The following MAMDC4 variants were observed in gnomAD, a reference collection of about 807,000 sequenced individuals.
MAMDC4 encodes the protein MAM domain containing 4.
Under a neutral mutation model 153.3 loss-of-function variants are expected in MAMDC4, and 168 were observed. The observed-to-expected ratio is 1.10, with a 90% CI of 0.97 to 1.25. The LOEUF is 1.25. MAMDC4 is among the 50% of genes most tolerant of loss of function. The pLI is 0.00. For synonymous variants in MAMDC4, 744 were observed against 651.5 expected, an observed-to-expected ratio of 1.14 and a Z score of -2.16; for missense variants, 1,701 against 1,542.8, an observed-to-expected ratio of 1.10 and a Z score of -1.72.
chr9:136,857,379 G>T lies in MAMDC4; in HGVS notation c.2119G>T (p.Gly707Cys). The T allele has an allele frequency of 6.2e-7, 1 of 1,608,270 alleles. No homozygotes were observed. ...CCTCCACCCCCAGCTGCTGTTCGAGGGCCTCCGGGACGGATACCACGGCAC... is the reference window on the plus strand; with the variant it reads ...CCTCCACCCCCAGCTGCTGTTCGAGTGCCTCCGGGACGGATACCACGGCAC... ...SHAQYQLLFE[G>C]LRDGYHGTMA... is the part of the protein sequence containing the mutation. Residue 707 changes from glycine (G) to cysteine (C), a missense_variant, in exon 18 of 27, where the codon GGC becomes TGC. Coordinates refer to ENST00000317446, the MANE Select transcript of MAMDC4 (RefSeq NM_206920.3).
At position 136,854,677 on chromosome 9, in the gene MAMDC4, G is replaced by A. The variant is rs1564385754; in HGVS notation, c.934+1G>A. ...GACCACAGCCGGAACAGTGCACAGG[G>A]TGAGGCCCACAGAGGACCCGGCCCA... On this transcript the variant is annotated splice_donor_variant, in intron 8 of 26. Coordinates refer to ENST00000317446, the MANE Select transcript of MAMDC4 (RefSeq NM_206920.3). LOFTEE classifies it high-confidence loss of function. The A allele has an allele frequency of 6.2e-7, 1 of 1,611,050 alleles. No individual in the cohort carries two copies. The highest frequency in any genetic ancestry group is 1.1e-5 in the South Asian group (1 of 90,922).
intron 14 of MAMDC4, 143 bp downstream of exon 14, chr9:136,856,292 C>T (rs779295130): frequency 8.9e-6 from 12 of 1,341,906 alleles, no homozygotes; most frequent in South Asian, 1.2e-5. Context: ...CAACGGCTCC[C>T]GGGAGCTGGC....
In MAMDC4 at chr9:136,853,222, C is replaced by T. The variant is rs766732225; in HGVS notation, c.154+13C>T. ...GAGGCCCAGTGTGGTGAGCCAAGAC[C>T]AGATGGGCGGGCAGGGCCAGTGCGA... On this transcript the variant is annotated intron_variant, in intron 2 of 26. Coordinates refer to ENST00000317446, the MANE Select transcript of MAMDC4 (RefSeq NM_206920.3). 7.4e-6 allele frequency: 12 copies of T among 1,612,554 alleles called. No homozygotes were observed. Among genetic ancestry groups the T allele is most frequent in the African/African-American group, 1.3e-5 (1 of 74,944 alleles).
In MAMDC4 at chr9:136,855,122, C is replaced by T. The variant is rs1378540877; in HGVS notation, c.1197+12C>T. The T allele has an allele frequency of 1.3e-6, 2 of 1,567,466 alleles. No homozygotes were observed. The highest frequency in any genetic ancestry group is 1.7e-6 in the Non-Finnish European group (2 of 1,156,656). On this transcript the variant is annotated intron_variant, in intron 10 of 26. Transcript: ENST00000317446. Reference sequence around the variant, plus strand: ...CCTACCCCTTCCAGGTAGGGAACAGCAAGAGGGTGGGGTCTGGGGAGCCGC... The same window carrying T: ...CCTACCCCTTCCAGGTAGGGAACAGTAAGAGGGTGGGGTCTGGGGAGCCGC...
rs766810359 is a variant in MAMDC4 at position 136,858,110 on chromosome 9, T to TGGGGTGCCCCTCC, written c.2583+14_2583+26dup. ...GCGAGCCTGGAGGGTGAGTGCAGGGTGGGGTGCCCCTCCCCCTCCCCCTCC... is the reference window on the plus strand; with the variant it reads ...GCGAGCCTGGAGGGTGAGTGCAGGGTGGGGTGCCCCTCCGGGGTGCCCCTCCCCCTCCCCCTCC... On this transcript the variant is annotated intron_variant, in intron 20 of 26. Transcript: ENST00000317446. 12 of 1,530,576 alleles carry TGGGGTGCCCCTCC rather than the reference T, an allele frequency of 7.8e-6. No individual in the cohort carries two copies. The African/African-American group carries it at 1.5e-4, about 19-fold the overall frequency. The allele number at this position is 1,530,576 out of a possible 1,614,324, so 94.8% of individuals were successfully genotyped here.
chr9:136,857,085 C>T (rs368278787), intron 16 of MAMDC4, 44 bp downstream of exon 16: 104 of 1,602,836 alleles, frequency 6.5e-5, no homozygotes, highest in Non-Finnish European at 8.7e-5. Context: ...GGGAGGCCCC[C>T]GGGGGTTCAG....
At chr9:136,859,809 A>C (rs1462016466) in intron 25 of MAMDC4, 77 bp from the exon 26 acceptor site, 2 of 1,502,554 alleles carry the variant, frequency 1.3e-6, no homozygotes, top group Non-Finnish European at 1.8e-6. Flanking sequence ...CTGAGGGACC[A>C]TGCAGCCCCA....
intron 1 of MAMDC4, among the ~76,000 whole-genome samples, 169 bp from the exon 2 acceptor site, chr9:136,852,933 G>A (rs1205361179): frequency 6.6e-6 from 1 of 152,228 alleles, no homozygotes; most frequent in Admixed American, 6.5e-5. Context: ...GCTTGGTCCT[G>A]AGCCGGGTGG....
rs374062342 is a variant in MAMDC4, at chr9:136,858,116, GCCCCTC to G, written c.2583+36_2583+41del. 2,822 of 1,529,114 alleles carry G rather than the reference GCCCCTC, an allele frequency of 1.8e-3. 14 individuals carry two copies. The highest frequency in any genetic ancestry group is 0.013 in the African/African-American group (979 of 72,580). 94.7% of individuals were successfully genotyped at this position (1,529,114 alleles called of 1,614,324 possible). A position where few individuals can be genotyped will look rare whatever the true frequency, so the allele number is the denominator to read the frequency against. ...CTGGAGGGTGAGTGCAGGGTGGGGT[GCCCCTC>G]CCCCTCCCCCTCCCCCGAGGGCTGC... On this transcript the variant is annotated intron_variant, in intron 20 of 26. Transcript: ENST00000317446.
rs147821303 is a variant in MAMDC4 at position 136,853,119 on chromosome 9, G to T, written c.64G>T (p.Ala22Ser). 200 of 1,612,616 alleles carry T rather than the reference G, an allele frequency of 1.2e-4. No homozygotes were observed. The African/African-American group carries it at 2.3e-3, about 18-fold the overall frequency. Residue 22 changes from alanine (A) to serine (S), a missense_variant, in exon 2 of 27, where the codon GCC becomes TCC. Ala to Ser is a moderately conservative substitution (Grantham distance 99). Transcript: ENST00000317446. ...CCCAGCAGCAGGGTCCTCAGGCTGG[G>T]CCTGGGTCCCCAACCACTGCAGGAG... Reference protein sequence around the residue: ...VLFLAGSSGWAWVPNHCRSPG... With the variant: ...VLFLAGSSGWSWVPNHCRSPG...
chr9:136,855,235 T>C lies in MAMDC4; in HGVS notation c.1198-19T>C, dbSNP rs770635747. On this transcript the variant is annotated intron_variant, in intron 10 of 26. Transcript: ENST00000317446. ...AGGGGGAAATAGGCTGGGCACCCCC[T>C]GAGCCCCTCTGCCCTCAGATCCTCC... The C allele has an allele frequency of 1.9e-6, 3 of 1,581,734 alleles. No individual in the cohort carries two copies. Among genetic ancestry groups the C allele is most frequent in the South Asian group, 2.3e-5 (2 of 86,086 alleles).
Position 136,855,008 on chromosome 9 carries a change from C to T in MAMDC4, c.1095C>T (p.Pro365=), listed in dbSNP as rs371405565. 2.1e-5 allele frequency: 34 copies of T among 1,599,732 alleles called. No homozygotes were observed. Among genetic ancestry groups the T allele is most frequent in the African/African-American group, 2.0e-4 (15 of 74,002 alleles). ...CLQLFLQTLG[P]GAPRAPVLLR... ...AGCTGTTCCTGCAGACTCTGGGGCC[C>T]GGCGCCCCCCGGGCCCCCGTCCTGC... Residue 365 remains proline (P), a synonymous_variant, in exon 10 of 27, where the codon CCC becomes CCT. Coordinates refer to ENST00000317446, the MANE Select transcript of MAMDC4 (RefSeq NM_206920.3).
In MAMDC4 at chr9:136,858,807, C is replaced by T. The variant is rs143691384; in HGVS notation, c.2910C>T (p.Ala970=). The T allele has an allele frequency of 2.4e-3, 3,900 of 1,610,670 alleles. 5 individuals are homozygous for T. Among genetic ancestry groups the T allele is most frequent in the Non-Finnish European group, 3.0e-3 (3,548 of 1,178,824 alleles). Residue 970 remains alanine (A), a synonymous_variant, in exon 23 of 27, where the codon GCC becomes GCT. Transcript: ENST00000317446. ...GCGAGCCTCTGCCGGCCACCCCAGCCTCCTGCCTCCGCTTCTGGTACCACA... is the reference window on the plus strand; with the variant it reads ...GCGAGCCTCTGCCGGCCACCCCAGCTTCCTGCCTCCGCTTCTGGTACCACA... ...LRSEPLPATP[A]SCLRFWYHMG... is the part of the protein sequence containing the mutation.
intron 14 of MAMDC4, 41 bp from the exon 15 acceptor site, chr9:136,856,669 G>A: frequency 6.3e-7 from 1 of 1,588,942 alleles, no homozygotes; most frequent in South Asian, 1.1e-5. Context: ...TCTGGAGGGG[G>A]AGGGGAGAAG....
At position 136,854,985 on chromosome 9, in the gene MAMDC4, C is replaced by A. The variant is rs746329257; in HGVS notation, c.1072C>A (p.Leu358Met). 3.7e-6 allele frequency: 6 copies of A among 1,605,358 alleles called. No individual in the cohort carries two copies. Among genetic ancestry groups the A allele is most frequent in the Non-Finnish European group, 5.1e-6 (6 of 1,177,146 alleles). ...TGGGTCTGAGGCTGGCTGCCTCCAG[C>A]TGTTCCTGCAGACTCTGGGGCCCGG... Reference protein sequence around the residue: ...LSGSEAGCLQLFLQTLGPGAP... With the variant: ...LSGSEAGCLQMFLQTLGPGAP... Residue 358 changes from leucine to methionine, a missense_variant, in exon 10 of 27, where the codon CTG (leucine) becomes ATG (methionine). By Grantham distance (15) the Leu-to-Met change is conservative. Transcript: ENST00000317446.
At chr9:136,859,812 C>CAGCCCCAGGCTTCCTCCTT in intron 25 of MAMDC4, 74 bp from the exon 26 acceptor site, 1 of 1,514,488 alleles carries the variant, frequency 6.6e-7, no homozygotes, top group Non-Finnish European at 9.0e-7. Flanking sequence ...AGGGACCATG[C>CAGCCCCAGGCTTCCTCCTT]AGCCCCAGGC....
At position 136,857,450 on chromosome 9, in the gene MAMDC4, C is replaced by T. The variant is rs769957750; in HGVS notation, c.2190C>T (p.Ala730=). 3 of 1,608,600 alleles carry T rather than the reference C, an allele frequency of 1.9e-6. No individual in the cohort carries two copies. Among genetic ancestry groups the T allele is most frequent in the South Asian group, 1.1e-5 (1 of 91,090 alleles). The change falls in exon 18 of 27, where the codon GCC becomes GCT. Residue 730 remains alanine, a synonymous_variant. Transcript: ENST00000317446. The part of the protein sequence containing the change: ...DVAVRPGPCW[A]PNYCSFEDSD... ...CCGTGCGGCCGGGCCCCTGCTGGGC[C>T]CCTAATTACTGCTCCTTTGAGGACT...
chr9:136,855,416 G>T lies in MAMDC4; in HGVS notation c.1283-15G>T. The T allele has an allele frequency of 6.2e-7, 1 of 1,607,022 alleles. No homozygotes were observed. The highest frequency in any genetic ancestry group is 8.5e-7 in the Non-Finnish European group (1 of 1,176,662). ...TCCCCATCCCTGCCTCCTGACACCA[G>T]TTCTGCCCCCACAGAGGTGTCCACC... On this transcript the variant is annotated splice_polypyrimidine_tract_variant and intron_variant, in intron 11 of 26. Coordinates refer to ENST00000317446, the MANE Select transcript of MAMDC4 (RefSeq NM_206920.3).
rs779001758 is a variant in MAMDC4, at chr9:136,856,127, T to C, written c.1698T>C (p.Tyr566=). The C allele has an allele frequency of 7.4e-6, 12 of 1,612,306 alleles. No individual in the cohort carries two copies. The highest frequency in any genetic ancestry group is 6.6e-5 in the South Asian group (6 of 91,076). ...CCAGCTGTGAACTCCACCTGGCTTATTATTTACAGAGCCAGCCCCGAGGTA... is the reference window on the plus strand; with the variant it reads ...CCAGCTGTGAACTCCACCTGGCTTACTATTTACAGAGCCAGCCCCGAGGTA... The part of the protein sequence containing the change: ...SGPSCELHLA[Y]YLQSQPREVS... Residue 566 remains tyrosine (Y), a synonymous_variant, in exon 14 of 27, where the codon TAT becomes TAC. Coordinates refer to ENST00000317446, the MANE Select transcript of MAMDC4 (RefSeq NM_206920.3).
Sources: gnomAD v4.1 joint callset for allele counts (sites outside exome capture counted in the v4.1 genomes callset) on GRCh38, gnomAD v4.1.1 for gene constraint, MANE v1.5 for transcripts, NCBI Gene and HGNC (gene_info 2026-07-23, HGNC 2026-07-21) for gene names.